TOPORS: variants seen among roughly 807,000 people sequenced by gnomAD.
TOPORS encodes the protein TOP1 binding arginine/serine rich protein, E3 ubiquitin ligase, also known as E3 ubiquitin-protein ligase Topors.
A neutral mutation model predicts 81.4 loss-of-function variants in TOPORS; 25 were observed. The observed-to-expected ratio is 0.31, with a 90% CI of 0.22 to 0.43. The LOEUF is 0.43. Among genes scored for constraint, TOPORS ranks in the 20% least tolerant of loss-of-function variants. The pLI is 1.00. For missense variants in TOPORS, 1,101 were observed against 1,267.0 expected (o/e 0.87, Z 1.99); for synonymous variants, 473 against 456.6 (o/e 1.04, Z -0.46).
At chr9:32,552,386 A>G (rs376109737) in intron 1 of TOPORS, 48 bp downstream of exon 1, 1,220 of 1,605,702 alleles carry the variant, frequency 7.6e-4, no homozygotes, top group Non-Finnish European at 8.0e-4. Context: ...GGTTACTGTA[A>G]GGCCCGCAGC....
chr9:32,550,055 A>G (rs1806987254), intron 2 of TOPORS, among the ~76,000 whole-genome samples: 1 of 152,180 alleles, frequency 6.6e-6, no homozygotes, highest in African/African-American at 2.4e-5. Flanking sequence ...AAAACCCAGA[A>G]AGCTCTCACC....
Position 32,550,758 on chromosome 9 carries a change from T to G in TOPORS, c.198+16A>C, listed in dbSNP as rs753982681. On this transcript the variant is annotated intron_variant, in intron 2 of 2. Transcript: ENST00000360538. ...CCTTCCGACCCCCGCGTCCCATTGT[T>G]CCGAATCTCACTCACCTCGGAGGAT... The G allele has an allele frequency of 6.2e-7, 1 of 1,612,640 alleles. No individual in the cohort carries two copies. Among genetic ancestry groups the G allele is most frequent in the Non-Finnish European group, 8.5e-7 (1 of 1,179,566 alleles).
intron 1 of TOPORS, 80 bp downstream of exon 1, chr9:32,552,354 G>T (rs1176747159): frequency 4.5e-6 from 7 of 1,567,320 alleles, no homozygotes; most frequent in African/African-American, 2.7e-5. Context: ...GGCTGCTGGC[G>T]CCTGGCAGCC....
At position 32,547,287 on chromosome 9, in the gene TOPORS, C is replaced by T. The variant is rs1050131684; in HGVS notation, c.199-2961G>A. 5.9e-5 allele frequency among the ~76,000 whole-genome samples: 9 copies of T among 152,184 alleles called. No individual in the cohort carries two copies. The South Asian group carries it at 1.9e-3, about 32-fold the overall frequency. ...AGCTCTTCAAAATCATCACTAAATA[C>T]TAAATTAAAATGTTTTTTAAAACGC... is the stretch of plus-strand genomic sequence containing the variant. On this transcript the variant is annotated intron_variant, in intron 2 of 2. Transcript: ENST00000360538.
chr9:32,541,461 G>C lies in TOPORS; in HGVS notation c.3064C>G (p.Pro1022Ala). The part of the protein sequence containing the change: ...PSNIVSLQTE[P>A]SRQLPSPRTS... Reference sequence around the variant, plus strand: ...CGTGGCGATGGCAATTGCCTTGATGGCTCAGTTTGAAGAGACACAATGTTA... The same window carrying C: ...CGTGGCGATGGCAATTGCCTTGATGCCTCAGTTTGAAGAGACACAATGTTA... Residue 1022 changes from proline (P) to alanine (A), a missense_variant, in exon 3 of 3, where the codon CCA (proline) becomes GCA (alanine). This residue lies in a region of TOPORS where 605 missense variants were observed against 636.1 expected (regional missense o/e 0.95). Coordinates refer to ENST00000360538, the MANE Select transcript of TOPORS (RefSeq NM_005802.5). The C allele has an allele frequency of 6.2e-7, 1 of 1,614,130 alleles. No homozygotes were observed. The highest frequency in any genetic ancestry group is 8.5e-7 in the Non-Finnish European group (1 of 1,179,998).
Position 32,544,341 on chromosome 9 carries a change from G to T in TOPORS, c.199-15C>A. 1.3e-6 allele frequency: 2 copies of T among 1,598,594 alleles called. No homozygotes were observed. The highest frequency in any genetic ancestry group is 1.7e-6 in the Non-Finnish European group (2 of 1,179,122). ...GATGCCATTATCTGTAAAAGGGAAA[G>T]AAATATATCAGTAACCTGATAATAG... On this transcript the variant is annotated splice_polypyrimidine_tract_variant and intron_variant, in intron 2 of 2. Coordinates refer to ENST00000360538, the MANE Select transcript of TOPORS (RefSeq NM_005802.5).
rs753280470 is a variant in TOPORS at position 32,551,014 on chromosome 9, C to A, written c.4-46G>T. 5 of 1,596,866 alleles carry A rather than the reference C, an allele frequency of 3.1e-6. No individual in the cohort carries two copies. In the South Asian group the frequency reaches 3.3e-5, roughly 11 times the overall value. ...CACCAATGGCAGCTCGGAAGCAGGG[C>A]AGAGAGCGAGACCCACCCCCCAGCT... On this transcript the variant is annotated intron_variant, in intron 1 of 2. Transcript: ENST00000360538.
At position 32,544,337 on chromosome 9, in the gene TOPORS, G is replaced by A. The variant is rs757432072; in HGVS notation, c.199-11C>T. On this transcript the variant is annotated splice_polypyrimidine_tract_variant and intron_variant, in intron 2 of 2. Coordinates refer to ENST00000360538, the MANE Select transcript of TOPORS (RefSeq NM_005802.5). ...AGCTGATGCCATTATCTGTAAAAGG[G>A]AAAGAAATATATCAGTAACCTGATA... 9 of 1,599,118 alleles carry A rather than the reference G, an allele frequency of 5.6e-6. No homozygotes were observed. In the East Asian group the frequency reaches 1.6e-4, roughly 28 times the overall value.
At chr9:32,549,571 C>CA (rs1430382853) in intron 2 of TOPORS, among the ~76,000 whole-genome samples, 4 of 152,300 alleles carry the variant, frequency 2.6e-5, no homozygotes, top group Admixed American at 2.0e-4. Flanking sequence ...GCTTGATGCA[C>CA]AGTAAGAACT....
intron 2 of TOPORS, among the ~76,000 whole-genome samples, chr9:32,550,091 T>C (rs556573121): frequency 6.6e-6 from 1 of 152,348 alleles, no homozygotes; most frequent in Admixed American, 6.5e-5. Context: ...CTTGGGCAGC[T>C]GTTTCTTAAT....
At chr9:32,547,716 G>A (rs1206814535) in intron 2 of TOPORS, among the ~76,000 whole-genome samples, 3 of 152,172 alleles carry the variant, frequency 2.0e-5, no homozygotes, top group Admixed American at 6.5e-5. Context: ...TTATTTCTGG[G>A]GTGATGAAAA....
At position 32,550,966 on chromosome 9, in the gene TOPORS, C is replaced by A. The variant is rs761761431; in HGVS notation, c.6G>T (p.Gly2=). ...GCGGAGACCCCAGCGGCGGCTGCGA[C>A]CCCTGTGACGCAAAGGGCTCATCAC... M[G]SQPPLGSPLS... The change falls in exon 2 of 3, where the codon GGG becomes GGT. Residue 2 remains glycine, a splice_region_variant and synonymous_variant. Coordinates refer to ENST00000360538, the MANE Select transcript of TOPORS (RefSeq NM_005802.5). 1.2e-6 allele frequency: 2 copies of A among 1,610,250 alleles called. No individual in the cohort carries two copies. Among genetic ancestry groups the A allele is most frequent in the South Asian group, 1.1e-5 (1 of 91,080 alleles).
In TOPORS at chr9:32,544,225, A is replaced by C; in HGVS notation, c.300T>G (p.Asp100Glu). 1 of 1,611,574 alleles carries C rather than the reference A, an allele frequency of 6.2e-7. No homozygotes were observed. Among genetic ancestry groups the C allele is most frequent in the Non-Finnish European group, 8.5e-7 (1 of 1,180,006 alleles). The part of the protein sequence containing the change: ...QQTVPADASP[D>E]SKCPICLDRF... Reference sequence around the variant, plus strand: ...TATCCAAGCATATAGGACACTTAGAATCAGGAGATGCATCAGCTGGTACTG... The same window carrying C: ...TATCCAAGCATATAGGACACTTAGACTCAGGAGATGCATCAGCTGGTACTG... Residue 100 changes from aspartate (D) to glutamate (E), a missense_variant, in exon 3 of 3, where the codon GAT becomes GAG. Physicochemically the swap from Asp to Glu is conservative, Grantham distance 45. Transcript: ENST00000360538.
intron 2 of TOPORS, among the ~76,000 whole-genome samples, chr9:32,547,486 G>T (rs1821155048): frequency 6.6e-6 from 1 of 152,054 alleles, no homozygotes; most frequent in Non-Finnish European, 1.5e-5. Flanking sequence ...ATAAAATGTG[G>T]TCTATCCACA....
chr9:32,548,760 C>T (rs559113051), intron 2 of TOPORS, among the ~76,000 whole-genome samples: 3 of 152,274 alleles, frequency 2.0e-5, no homozygotes, highest in South Asian at 4.1e-4. Flanking sequence ...ATGAAGTTCA[C>T]CATCTTTAGT....
Position 32,541,536 on chromosome 9 carries a change from CGA to C in TOPORS, c.2987_2988del (p.Leu996ArgfsTer11), listed in dbSNP as rs1190133840. On this transcript the variant is annotated frameshift_variant, in exon 3 of 3. Transcript: ENST00000360538. LOFTEE classifies it high-confidence loss of function. ...PPLAASVEQT[L>X]DVREESTFVS... ...ACAAAGGTGCTCTCTTCTCTTACAT[CGA>C]GAGTTTGTTCAACTGAAGCTGCCAG... 6.8e-6 allele frequency: 11 copies of C among 1,614,130 alleles called. No homozygotes were observed. The highest frequency in any genetic ancestry group is 7.6e-6 in the Non-Finnish European group (9 of 1,180,010).
At chr9:32,549,105 C>T (rs150602166) in intron 2 of TOPORS, among the ~76,000 whole-genome samples, 2,776 of 151,994 alleles carry the variant, frequency 0.018, 88 homozygotes, top group African/African-American at 0.063. Flanking sequence ...GTCAGGAGAT[C>T]GAGACCATCC....
Position 32,543,061 on chromosome 9 carries a change from A to G in TOPORS, c.1464T>C (p.Ala488=), listed in dbSNP as rs1821093938. The G allele has an allele frequency of 1.1e-5, 17 of 1,614,204 alleles. No homozygotes were observed. The highest frequency in any genetic ancestry group is 4.5e-5 in the East Asian group (2 of 44,890). The change falls in exon 3 of 3, where the codon GCT becomes GCC. Residue 488 remains alanine, a synonymous_variant. Coordinates refer to ENST00000360538, the MANE Select transcript of TOPORS (RefSeq NM_005802.5). This position sits in a 1 kb window ranked among gnomAD's most constrained non-coding sequence, Gnocchi z 5.6. Reference sequence around the variant, plus strand: ...GTTCAACAAGTTCTGGGGTCCTCTCAGCTAGTGGTTTAACAAACCCAACAA... The same window carrying G: ...GTTCAACAAGTTCTGGGGTCCTCTCGGCTAGTGGTTTAACAAACCCAACAA... ...CVIVGFVKPL[A]ERTPELVELS... is the part of the protein sequence containing the mutation.
chr9:32,541,072 C>T lies in TOPORS; in HGVS notation c.*315G>A. ...CTCATTGACTACCTTAAAAATATGT[C>T]AATACCGTATGGCTTTATGAAATAA... On this transcript the variant is annotated 3_prime_UTR_variant, in exon 3 of 3. Transcript: ENST00000360538. 4.9e-6 allele frequency: 1 copy of T among 205,324 alleles called. No homozygotes were observed. 12.7% of individuals were successfully genotyped at this position (205,324 alleles called of 1,614,324 possible).
Sources: allele counts gnomAD v4.1 joint callset (sites outside exome capture counted in the v4.1 genomes callset), GRCh38; gene constraint gnomAD v4.1.1; regional missense constraint gnomAD v4.1.1; non-coding constraint Gnocchi (gnomAD v3.1); transcripts MANE v1.5; gene names NCBI Gene and HGNC (gene_info 2026-07-23, HGNC 2026-07-21).